Variants in CRIM1 observed in about 807,000 individuals in gnomAD.
The protein encoded by CRIM1 is cysteine rich transmembrane BMP regulator 1, also known as cysteine-rich motor neuron 1 protein.
A neutral mutation model predicts 116.4 loss-of-function variants in CRIM1; 32 were observed. That is an observed-to-expected ratio of 0.27 (90% confidence interval 0.21 to 0.37). The LOEUF (loss-of-function observed/expected upper bound fraction) is 0.37. Among genes scored for constraint, CRIM1 ranks in the 10% least tolerant of loss-of-function variants. The pLI is 1.00. For synonymous variants in CRIM1, 590 were observed against 509.2 expected (o/e 1.16, Z -2.13); for missense variants, 1,331 against 1,354.8 (o/e 0.98, Z 0.28).
intron 8 of CRIM1, among the ~76,000 whole-genome samples, chr2:36,508,646 A>G (rs1302154343): frequency 1.3e-5 from 2 of 152,176 alleles, no homozygotes; most frequent in Non-Finnish European, 2.9e-5. Context: ...TTGTCTTTCA[A>G]ATTCTATATT....
rs1051675217 is a variant in CRIM1 at position 36,532,022 on chromosome 2, C to T, written c.2429-5330C>T. 3.6e-5 allele frequency: 17 copies of T among 470,058 alleles called. No individual in the cohort carries two copies. In the Admixed American group the frequency reaches 4.0e-4, roughly 11 times the overall value. 29.1% of individuals were successfully genotyped at this position (470,058 alleles called of 1,614,324 possible). A position where few individuals can be genotyped will look rare whatever the true frequency, so the allele number is the denominator to read the frequency against. ...TTGTATTCTTGCAGAGACTTTGTTT[C>T]TGAAAGAGGCCAAAAGTCATTTCAA... On this transcript the variant is annotated intron_variant, in intron 13 of 16. Coordinates refer to ENST00000280527, the MANE Select transcript of CRIM1 (RefSeq NM_016441.3).
chr2:36,482,736 A>G (rs753540883), intron 7 of CRIM1, among the ~76,000 whole-genome samples: 3 of 152,342 alleles, frequency 2.0e-5, no homozygotes, highest in East Asian at 1.9e-4. Context: ...TATTAGCTAC[A>G]GTCTCTAGGT....
At chr2:36,526,691 C>G (rs1197717637) in intron 13 of CRIM1, among the ~76,000 whole-genome samples, 1 of 152,202 alleles carries the variant, frequency 6.6e-6, no homozygotes, top group East Asian at 1.9e-4. Context: ...GTGCCAGACT[C>G]TGGCAGCTTC....
rs762431760 is a variant in CRIM1, at chr2:36,534,171, G to A, written c.2429-3181G>A. Among the ~76,000 whole-genome samples, 14 of 139,136 alleles carry A rather than the reference G, an allele frequency of 1.0e-4. No individual in the cohort carries two copies. The South Asian group carries it at 3.0e-3, about 29-fold the overall frequency. 91.3% of individuals were successfully genotyped at this position (139,136 alleles called of 152,430 possible). On this transcript the variant is annotated intron_variant, in intron 13 of 16. Transcript: ENST00000280527. ...GCAGGAAGGGGGAAGAAGGAAGGAA[G>A]GAAGGAGGGAGTGGGAAGGAAGGAG...
chr2:36,356,593 C>T lies in CRIM1; in HGVS notation c.301C>T (p.Leu101Phe), dbSNP rs1668820382. 2.5e-6 allele frequency: 4 copies of T among 1,611,310 alleles called. No homozygotes were observed. The African/African-American group carries it at 4.0e-5, about 16-fold the overall frequency. The change falls in exon 1 of 17, where the codon CTC becomes TTC. Residue 101 changes from leucine to phenylalanine, a missense_variant. Around this residue, in one of 3 missense-constraint regions of CRIM1, gnomAD observed 690 missense variants for 676.0 expected, o/e 1.02. Coordinates refer to ENST00000280527, the MANE Select transcript of CRIM1 (RefSeq NM_016441.3). This position sits in a 1 kb window ranked among gnomAD's most constrained non-coding sequence, Gnocchi z 4.3. ...VIRPPLNGDS[L>F]TEYEAGVCED... ...CCGCCCCCCGCTCAATGGCGACTCC[C>T]TCACCGAGTACGAAGCGGGCGTTTG... is the stretch of plus-strand genomic sequence containing the variant.
chr2:36,434,759 C>T (rs1176257475), intron 2 of CRIM1, among the ~76,000 whole-genome samples: 3 of 152,136 alleles, frequency 2.0e-5, no homozygotes, highest in Non-Finnish European at 2.9e-5. Flanking sequence ...TTAATTGTAT[C>T]AGTTTAGATT....
chr2:36,388,950 C>A (rs1245310801), intron 1 of CRIM1, among the ~76,000 whole-genome samples: 8 of 152,182 alleles, frequency 5.3e-5, no homozygotes, highest in Admixed American at 6.5e-5. Flanking sequence ...TAATACAAAT[C>A]AGTGTTCTTG....
intron 2 of CRIM1, among the ~76,000 whole-genome samples, chr2:36,418,739 G>C (rs1673820483): frequency 6.6e-6 from 1 of 151,396 alleles, no homozygotes. Context: ...CCGCTCTGTT[G>C]GCAGGGTCAG....
At chr2:36,374,054 C>T (rs918451419) in intron 1 of CRIM1, among the ~76,000 whole-genome samples, 8 of 152,278 alleles carry the variant, frequency 5.3e-5, no homozygotes, top group South Asian at 2.1e-4. Context: ...TCCTAAGGCA[C>T]CTACCAGGTT....
chr2:36,386,693 A>T (rs529858731), intron 1 of CRIM1, among the ~76,000 whole-genome samples: 125 of 152,372 alleles, frequency 8.2e-4, no homozygotes, highest in Non-Finnish European at 1.3e-3. Context: ...GTTAGTTTCA[A>T]AGAACCCACT....
intron 2 of CRIM1, among the ~76,000 whole-genome samples, chr2:36,424,309 A>G (rs564630474): frequency 4.6e-5 from 7 of 152,222 alleles, no homozygotes; most frequent in South Asian, 4.1e-4. Context: ...GCTTTTGCTT[A>G]AAGATGACCA....
At chr2:36,469,315 T>C (rs1486055562) in intron 5 of CRIM1, among the ~76,000 whole-genome samples, 1 of 152,146 alleles carries the variant, frequency 6.6e-6, no homozygotes, top group African/African-American at 2.4e-5. Context: ...AGCGTGTGTT[T>C]TTAGCCTGTT....
At chr2:36,520,841 T>C (rs990920309) in intron 12 of CRIM1, among the ~76,000 whole-genome samples, 1 of 152,210 alleles carries the variant, frequency 6.6e-6, no homozygotes, top group African/African-American at 2.4e-5. Context: ...CTGGATCATA[T>C]GGCAACTACA....
intron 7 of CRIM1, among the ~76,000 whole-genome samples, chr2:36,485,052 A>C (rs1679713344): frequency 6.6e-6 from 1 of 152,214 alleles, no homozygotes; most frequent in South Asian, 2.1e-4. Flanking sequence ...TAAAAAGTTA[A>C]AATTGCTATT....
At chr2:36,482,375 G>A (rs1293933978) in intron 7 of CRIM1, among the ~76,000 whole-genome samples, 2 of 152,102 alleles carry the variant, frequency 1.3e-5, no homozygotes, top group Non-Finnish European at 2.9e-5. Context: ...CACAGCTTAA[G>A]ATAATGATAC....
intron 1 of CRIM1, among the ~76,000 whole-genome samples, chr2:36,382,195 A>G (rs953714826): frequency 1.3e-5 from 2 of 152,234 alleles, no homozygotes; most frequent in Admixed American, 6.5e-5. Context: ...TGGAACCACT[A>G]GCAGATCATG....
chr2:36,488,129 G>T (rs560883205), intron 7 of CRIM1, among the ~76,000 whole-genome samples: 1 of 152,176 alleles, frequency 6.6e-6, no homozygotes, highest in Non-Finnish European at 1.5e-5. Context: ...TAGCACTGAA[G>T]ATAGTGAAAA....
chr2:36,413,555 A>G (rs1009395460), intron 2 of CRIM1, among the ~76,000 whole-genome samples: 4 of 152,186 alleles, frequency 2.6e-5, no homozygotes, highest in Admixed American at 6.5e-5. Flanking sequence ...GTTGTTTCAG[A>G]GAGAGCCCAG....
intron 15 of CRIM1, among the ~76,000 whole-genome samples, chr2:36,545,826 A>G (rs751337203): frequency 6.6e-6 from 1 of 152,322 alleles, no homozygotes; most frequent in South Asian, 2.1e-4. Flanking sequence ...GGAATATGGG[A>G]AAGTAAAATT....
Sources: gnomAD v4.1 joint callset for allele counts (sites outside exome capture counted in the v4.1 genomes callset) on GRCh38, gnomAD v4.1.1 for gene constraint, gnomAD v4.1.1 regional missense constraint, Gnocchi (gnomAD v3.1) non-coding constraint, MANE v1.5 for transcripts, NCBI Gene and HGNC (gene_info 2026-07-23, HGNC 2026-07-21) for gene names.